The following CTNNA2 variants were observed in gnomAD, a reference collection of about 807,000 sequenced individuals.
The protein encoded by CTNNA2 is catenin alpha-2.
Under a neutral mutation model 101.0 loss-of-function variants are expected in CTNNA2, and 42 were observed. The ratio of observed to expected loss-of-function variants is 0.42; its 90% CI spans 0.32 to 0.54. The LOEUF (loss-of-function observed/expected upper bound fraction) is 0.54. Ranked by LOEUF, CTNNA2 falls within the 20% of genes least tolerant of loss-of-function variation. CTNNA2 has a pLI of 0.14. For missense variants in CTNNA2, 871 were observed against 1,223.1 expected (o/e 0.71, Z 4.29); for synonymous variants, 450 against 456.4 (o/e 0.99, Z 0.18).
At chr2:79,809,112 C>T (rs1676806411) in intron 3 of CTNNA2, among the ~76,000 whole-genome samples, 1 of 152,292 alleles carries the variant, frequency 6.6e-6, no homozygotes, top group Admixed American at 6.5e-5. Flanking sequence ...CTGCAAAGGA[C>T]ATGAACTCAT....
intron 6 of CTNNA2, among the ~76,000 whole-genome samples, chr2:79,903,461 G>A (rs1685209136): frequency 6.6e-6 from 1 of 152,092 alleles, no homozygotes; most frequent in Non-Finnish European, 1.5e-5. Context: ...GCCTAAAGGG[G>A]TGTTCTCAAA....
intron 7 of CTNNA2, among the ~76,000 whole-genome samples, chr2:80,232,692 C>T (rs76320638): frequency 0.012 from 1,758 of 152,160 alleles, 33 homozygotes; most frequent in African/African-American, 0.039. Flanking sequence ...CAAAGCATCC[C>T]GGAAAGCCAG....
intron 1 of CTNNA2, among the ~76,000 whole-genome samples, chr2:79,520,439 T>C (rs1295584595): frequency 1.3e-5 from 2 of 152,242 alleles, no homozygotes; most frequent in Non-Finnish European, 2.9e-5. Context: ...TCTGTGATGT[T>C]GGATTAGGCA....
chr2:80,296,527 T>A (rs1291775853), intron 7 of CTNNA2, among the ~76,000 whole-genome samples: 2 of 152,224 alleles, frequency 1.3e-5, no homozygotes, highest in African/African-American at 4.8e-5. Context: ...TGATTATCAG[T>A]GAACCTAAGG....
intron 7 of CTNNA2, among the ~76,000 whole-genome samples, chr2:80,144,743 C>T (rs545082262): frequency 6.6e-6 from 1 of 152,342 alleles, no homozygotes; most frequent in African/African-American, 2.4e-5. Flanking sequence ...ACACAATCTT[C>T]ATTAACTGCA....
chr2:79,512,667 T>G (rs1029609194), upstream of CTNNA2, among the ~76,000 whole-genome samples: 1 of 149,078 alleles, frequency 6.7e-6, no homozygotes, highest in African/African-American at 2.5e-5. Flanking sequence ...GGTAACGCGG[T>G]TGTCATGGAC....
intron 7 of CTNNA2, among the ~76,000 whole-genome samples, chr2:80,117,455 A>AGAGTGTGTGTGTGTGTGTGT (rs143379167): frequency 4.1e-5 from 6 of 145,882 alleles, no homozygotes; most frequent in African/African-American, 1.3e-4. Flanking sequence ...TTCCTGTGTG[A>AGAGTGTGTGTGTGTGTGTGT]GTGTGTGTGT....
chr2:80,009,726 CTGTGTG>C (rs57813087), intron 7 of CTNNA2, among the ~76,000 whole-genome samples: 1 of 147,912 alleles, frequency 6.8e-6, no homozygotes, highest in Non-Finnish European at 1.5e-5. Context: ...TGGTGTGTGT[CTGTGTG>C]TGTGTGTGTG....
chr2:80,392,268 C>G (rs77454655), intron 7 of CTNNA2, among the ~76,000 whole-genome samples: 2,767 of 152,212 alleles, frequency 0.018, 48 homozygotes, highest in Non-Finnish European at 0.027. Context: ...ACTGAGTAGG[C>G]CACAATAATT....
Position 79,562,608 on chromosome 2 carries a change from G to A in CTNNA2, c.-6+49401G>A, listed in dbSNP as rs562733031. Among the ~76,000 whole-genome samples, 20 of 151,904 alleles carry A rather than the reference G, an allele frequency of 1.3e-4. No homozygotes were observed. In the South Asian group the frequency reaches 3.9e-3, roughly 30 times the overall value. ...AAAATAAAACATTACCCAGCATTTC[G>A]CATCTACAATTTGAATATTATTGCT... On this transcript the variant is annotated intron_variant, in intron 1 of 18. Coordinates refer to ENST00000402739, the MANE Select transcript of CTNNA2 (RefSeq NM_001282597.3).
rs538506743 is a variant in CTNNA2, at chr2:79,533,289, A to G, written c.-6+20082A>G. 6.6e-5 allele frequency among the ~76,000 whole-genome samples: 10 copies of G among 152,254 alleles called. No homozygotes were observed. In the South Asian group the frequency reaches 1.9e-3, roughly 28 times the overall value. On this transcript the variant is annotated intron_variant, in intron 1 of 18. Transcript: ENST00000402739. The stretch of plus-strand genomic sequence containing the variant: ...CTGAGAATGTCTTTAAAGCAGGGAT[A>G]AGCTTTATTCATCTAAGTATACCTT...
At chr2:80,635,310 CAGAA>C (rs1469868562) in intron 18 of CTNNA2, among the ~76,000 whole-genome samples, 2 of 152,008 alleles carry the variant, frequency 1.3e-5, no homozygotes, top group African/African-American at 4.8e-5. Flanking sequence ...TTAAAGAAGA[CAGAA>C]AAAGTTCAAT....
At chr2:79,933,674 C>T (rs531231021) in intron 7 of CTNNA2, among the ~76,000 whole-genome samples, 3 of 152,154 alleles carry the variant, frequency 2.0e-5, no homozygotes, top group African/African-American at 7.2e-5. Flanking sequence ...AGGCTGGTCT[C>T]GAACTCCTGA....
Position 79,485,837 on chromosome 2 carries a change from T to C in CTNNA2, c.-134-19217T>C, listed in dbSNP as rs188149422. 1.0e-3 allele frequency among the ~76,000 whole-genome samples: 156 copies of C among 152,342 alleles called. 2 individuals carry two copies. Among genetic ancestry groups the C allele is most frequent in the Non-Finnish European group, 1.7e-3 (113 of 68,038 alleles). On this transcript the variant is annotated intron_variant, in intron 4 of 21. Coordinates refer to the CTNNA2 transcript ENST00000466387. ...TGTGATTTTCATGGCAGTAATGTCA[T>C]GCATAGTCCTCTTTTCCTAAATAGG...
intron 9 of CTNNA2, among the ~76,000 whole-genome samples, chr2:80,431,935 A>C (rs1681564972): frequency 6.6e-6 from 1 of 151,836 alleles, no homozygotes; most frequent in Non-Finnish European, 1.5e-5. Context: ...TAGGCACATT[A>C]GTGCCTGTTG....
At chr2:79,732,025 G>T (rs950388652) in intron 2 of CTNNA2, among the ~76,000 whole-genome samples, 1 of 151,722 alleles carries the variant, frequency 6.6e-6, no homozygotes, top group African/African-American at 2.4e-5. Context: ...TATACATACC[G>T]ACTATATCTA....
chr2:79,664,705 C>CTTTTTTTTTTTTTTTTTTTTT (rs67782114), intron 2 of CTNNA2, among the ~76,000 whole-genome samples: 5 of 94,986 alleles, frequency 5.3e-5, no homozygotes, highest in African/African-American at 2.2e-4. Context: ...TCACATTCTT[C>CTTTTTTTTTTTTTTTTTTTTT]TTTTTTTTTT....
intron 3 of CTNNA2, among the ~76,000 whole-genome samples, chr2:79,826,904 A>G (rs1435564487): frequency 6.6e-6 from 1 of 152,218 alleles, no homozygotes; most frequent in Non-Finnish European, 1.5e-5. Context: ...AGAGAAAGAG[A>G]GTCATTAAAC....
chr2:79,226,857 T>C (rs925719950), intron 2 of CTNNA2, among the ~76,000 whole-genome samples: 1 of 152,112 alleles, frequency 6.6e-6, no homozygotes, highest in East Asian at 1.9e-4. Context: ...ACAGGTAACT[T>C]CATCTTAGCA....
Sources: allele counts gnomAD v4.1 joint callset (sites outside exome capture counted in the v4.1 genomes callset), GRCh38; gene constraint gnomAD v4.1.1; transcripts MANE v1.5; gene names NCBI Gene and HGNC (gene_info 2026-07-23, HGNC 2026-07-21).